TBR1: variants seen among roughly 807,000 people sequenced by gnomAD.
TBR1 encodes T-box brain protein 1.
TBR1 carries 7 observed loss-of-function variants against 60.3 expected under a neutral mutation model. That is an observed-to-expected ratio of 0.12 (90% CI 0.07 to 0.22). TBR1 has a LOEUF of 0.22. Among genes scored for constraint, TBR1 ranks in the 10% least tolerant of loss-of-function variants. The pLI is 1.00. For synonymous variants in TBR1, 417 were observed against 409.9 expected (o/e 1.02, Z -0.21); for missense variants, 616 against 936.8 (o/e 0.66, Z 4.47).
intron 3 of TBR1, 106 bp downstream of exon 3, chr2:161,418,428 G>T (rs1684169583): frequency 3.5e-6 from 5 of 1,426,300 alleles, no homozygotes; most frequent in East Asian, 2.4e-5. Context: ...ACGTTTCTTT[G>T]CTTCATTAAA....
intron 3 of TBR1, 25 bp downstream of exon 3, chr2:161,418,347 T>TTC (rs763014748): frequency 5.7e-5 from 92 of 1,607,350 alleles, no homozygotes; most frequent in Non-Finnish European, 7.2e-5. Flanking sequence ...CGCTCGTGTT[T>TTC]TCTCTCTCTC....
rs758104437 is a variant in TBR1, at chr2:161,416,362, G to C, written c.-49G>C. On this transcript the variant is annotated 5_prime_UTR_variant, in exon 1 of 6. Coordinates refer to ENST00000389554, the MANE Select transcript of TBR1 (RefSeq NM_006593.4). The surrounding 1 kb of genome is among the most constrained non-coding windows in gnomAD (Gnocchi z 6.1). ...GTGGATTTCTAGTTTATGATAAATAGGACTTTAAAAACCAGGGACGGGAGG... is the reference window on the plus strand; with the variant it reads ...GTGGATTTCTAGTTTATGATAAATACGACTTTAAAAACCAGGGACGGGAGG... The C allele has an allele frequency of 7.0e-7, 1 of 1,429,066 alleles. No homozygotes were observed. Among genetic ancestry groups the C allele is most frequent in the African/African-American group, 1.4e-5 (1 of 69,738 alleles). The allele number at this position is 1,429,066 out of a possible 1,614,324, so 88.5% of individuals were successfully genotyped here.
chr2:161,420,023 C>T (rs2105280341), intron 4 of TBR1, 173 bp from the exon 5 acceptor site: 2 of 460,464 alleles, frequency 4.3e-6, no homozygotes, highest in Non-Finnish European at 7.8e-6. Context: ...TTTCATGATA[C>T]TTTCTCTTTT....
intron 5 of TBR1, 50 bp from the exon 6 acceptor site, chr2:161,423,315 AAGGG>A: frequency 2.7e-6 from 1 of 364,882 alleles, no homozygotes; most frequent in Non-Finnish European, 4.0e-6. Flanking sequence ...CCCCCACCCC[AAGGG>A]ACCTCCGCGC....
In TBR1 at chr2:161,416,330, G is replaced by C; in HGVS notation, c.-81G>C. On this transcript the variant is annotated 5_prime_UTR_variant, in exon 1 of 6. Transcript: ENST00000389554. This position sits in a 1 kb window ranked among gnomAD's most constrained non-coding sequence, Gnocchi z 6.1. ...GTTGAAGTGCTTTCTGTCTAGTGAG[G>C]GGGTCTGTGGATTTCTAGTTTATGA... The C allele has an allele frequency of 6.2e-6, 7 of 1,126,084 alleles. No homozygotes were observed. In the South Asian group the frequency reaches 1.1e-4, roughly 17 times the overall value. 69.8% of individuals were successfully genotyped at this position (1,126,084 alleles called of 1,614,324 possible). A position where few individuals can be genotyped will look rare whatever the true frequency, so the allele number is the denominator to read the frequency against.
chr2:161,419,242 A>G (rs1392809477), intron 4 of TBR1, 192 bp downstream of exon 4: 2 of 760,208 alleles, frequency 2.6e-6, no homozygotes, highest in East Asian at 3.1e-5. Context: ...AGCCGGTGGG[A>G]AAAAGCTTTC....
At chr2:161,418,096 ATGTGTG>A (rs78592009) in intron 2 of TBR1, 99 bp from the exon 3 acceptor site, 237,397 of 1,411,176 alleles carry the variant, frequency 0.17, 4,438 homozygotes, top group East Asian at 0.24. Context: ...AGGTGTGTGT[ATGTGTG>A]TGTGTGTGTG....
chr2:161,418,802 G>A, intron 3 of TBR1, 90 bp from the exon 4 acceptor site: 6 of 1,501,540 alleles, frequency 4.0e-6, no homozygotes, highest in East Asian at 5.0e-5. Context: ...GCCTCCGCCG[G>A]CCCGGGCGCG....
rs1684292296 is a variant in TBR1, at chr2:161,424,561, TC to T, written c.*335del. ...CTTCTCTTTCTTGTAATGAAACTCT[TC>T]ACCTTTAGGAGACCTGGGCAGTCCT... On this transcript the variant is annotated 3_prime_UTR_variant, in exon 6 of 6. Transcript: ENST00000389554. This position sits in a 1 kb window ranked among gnomAD's most constrained non-coding sequence, Gnocchi z 4.4. 1 of 250,604 alleles carries T rather than the reference TC, an allele frequency of 4.0e-6. No individual in the cohort carries two copies. Among genetic ancestry groups the T allele is most frequent in the Admixed American group, 5.1e-5 (1 of 19,566 alleles). The allele number at this position is 250,604 out of a possible 1,614,324, so 15.5% of individuals were successfully genotyped here. A position where few individuals can be genotyped will look rare whatever the true frequency, so the allele number is the denominator to read the frequency against.
rs1684288873 is a variant in TBR1, at chr2:161,424,373, C to A, written c.*146C>A. On this transcript the variant is annotated 3_prime_UTR_variant, in exon 6 of 6. Coordinates refer to ENST00000389554, the MANE Select transcript of TBR1 (RefSeq NM_006593.4). This position sits in a 1 kb window ranked among gnomAD's most constrained non-coding sequence, Gnocchi z 4.4. ...GATGGCCGTCTGCAGCGAATAAGTG[C>A]AGGTCTCCGAGCGTGATTTTAACCT... 1 of 908,826 alleles carries A rather than the reference C, an allele frequency of 1.1e-6. No homozygotes were observed. The highest frequency in any genetic ancestry group is 1.6e-6 in the Non-Finnish European group (1 of 611,080). 56.3% of individuals were successfully genotyped at this position (908,826 alleles called of 1,614,324 possible). A position where few individuals can be genotyped will look rare whatever the true frequency, so the allele number is the denominator to read the frequency against.
intron 4 of TBR1, 188 bp from the exon 5 acceptor site, chr2:161,420,005 CTCA>C: frequency 2.4e-6 from 1 of 425,182 alleles, no homozygotes; most frequent in Non-Finnish European, 4.2e-6. Context: ...AAACATGTTC[CTCA>C]TAACTTTCAT....
In TBR1 at chr2:161,424,425, G is replaced by A. The variant is rs1224895304; in HGVS notation, c.*198G>A. On this transcript the variant is annotated 3_prime_UTR_variant, in exon 6 of 6. Coordinates refer to ENST00000389554, the MANE Select transcript of TBR1 (RefSeq NM_006593.4). This position sits in a 1 kb window ranked among gnomAD's most constrained non-coding sequence, Gnocchi z 4.4. ...TTTTGCACAGCAGTCTCTGCAATTA[G>A]CTCACCGACCTTCAACTTTGCTGTA... 4.9e-6 allele frequency: 3 copies of A among 609,256 alleles called. No homozygotes were observed. Among genetic ancestry groups the A allele is most frequent in the East Asian group, 5.9e-5 (2 of 34,012 alleles). 37.7% of individuals were successfully genotyped at this position (609,256 alleles called of 1,614,324 possible). A position where few individuals can be genotyped will look rare whatever the true frequency, so the allele number is the denominator to read the frequency against.
chr2:161,418,381 AGTTC>A (rs1684168841), intron 3 of TBR1, 59 bp downstream of exon 3: 1 of 1,581,652 alleles, frequency 6.3e-7, no homozygotes. Flanking sequence ...CCTGACATCC[AGTTC>A]GTCAGTGTAA....
intron 4 of TBR1, chr2:161,419,414 C>T (rs1178064571): frequency 5.6e-6 from 1 of 177,614 alleles, no homozygotes; most frequent in East Asian, 1.8e-4. Context: ...CAGATTTCCC[C>T]GTGCATTTTA....
rs1233479716 is a variant in TBR1 at position 161,417,718 on chromosome 2, T to C, written c.735T>C (p.Asp245=). ...PFLSFNISGL[D]PTAHYNIFVD... The stretch of plus-strand genomic sequence containing the variant: ...TAAGTTTTAACATTTCTGGTCTCGA[T>C]CCCACGGCTCATTACAATATTTTTG... The change falls in exon 2 of 6, where the codon GAT becomes GAC. Residue 245 remains aspartate (D), a synonymous_variant. Transcript: ENST00000389554. The surrounding 1 kb of genome is among the most constrained non-coding windows in gnomAD (Gnocchi z 5.3). 2 of 1,614,154 alleles carry C rather than the reference T, an allele frequency of 1.2e-6. No homozygotes were observed. The highest frequency in any genetic ancestry group is 3.3e-5 in the Admixed American group (2 of 60,014).
chr2:161,419,234 C>A (rs893871454), intron 4 of TBR1, 184 bp downstream of exon 4: 1 of 817,216 alleles, frequency 1.2e-6, no homozygotes, highest in Admixed American at 3.4e-5. Context: ...AAATACCAAG[C>A]CGGTGGGAAA....
Position 161,424,326 on chromosome 2 carries a change from C to T in TBR1, c.*99C>T, listed in dbSNP as rs1684288157. On this transcript the variant is annotated 3_prime_UTR_variant, in exon 6 of 6. Transcript: ENST00000389554. The surrounding 1 kb of genome is among the most constrained non-coding windows in gnomAD (Gnocchi z 4.4). Reference sequence around the variant, plus strand: ...CCTCCCCACACTCCTCCTTGCGCACCCACTCATTTTATTTGACCCTCGATG... The same window carrying T: ...CCTCCCCACACTCCTCCTTGCGCACTCACTCATTTTATTTGACCCTCGATG... 7.6e-7 allele frequency: 1 copy of T among 1,317,858 alleles called. No individual in the cohort carries two copies. The highest frequency in any genetic ancestry group is 1.0e-6 in the Non-Finnish European group (1 of 973,774). 81.6% of individuals were successfully genotyped at this position (1,317,858 alleles called of 1,614,324 possible). A position where few individuals can be genotyped will look rare whatever the true frequency, so the allele number is the denominator to read the frequency against.
Position 161,416,398 on chromosome 2 carries a change from A to G in TBR1, c.-13A>G. ...ACCAGGGACGGGAGGGCGAGTGTTC[A>G]GGTTCTAGAGCTATGCAGCTGGAGC... On this transcript the variant is annotated 5_prime_UTR_variant, in exon 1 of 6. Coordinates refer to ENST00000389554, the MANE Select transcript of TBR1 (RefSeq NM_006593.4). This position sits in a 1 kb window ranked among gnomAD's most constrained non-coding sequence, Gnocchi z 6.1. 3 of 1,548,298 alleles carry G rather than the reference A, an allele frequency of 1.9e-6. No homozygotes were observed. The highest frequency in any genetic ancestry group is 2.6e-6 in the Non-Finnish European group (3 of 1,150,126).
chr2:161,417,153 T>A lies in TBR1; in HGVS notation c.692+51T>A. The A allele has an allele frequency of 6.6e-7, 1 of 1,522,828 alleles. No homozygotes were observed. Among genetic ancestry groups the A allele is most frequent in the Non-Finnish European group, 8.8e-7 (1 of 1,131,636 alleles). The allele number at this position is 1,522,828 out of a possible 1,614,324, so 94.3% of individuals were successfully genotyped here. A position where few individuals can be genotyped will look rare whatever the true frequency, so the allele number is the denominator to read the frequency against. On this transcript the variant is annotated intron_variant, in intron 1 of 5. Transcript: ENST00000389554. This position sits in a 1 kb window ranked among gnomAD's most constrained non-coding sequence, Gnocchi z 5.3. ...TGCTCTAGGCGCAGCCGGGGACAAG[T>A]GCACCTAGGCTGTGACTGCCGCGGC...
Sources: allele counts gnomAD v4.1 joint callset, GRCh38; gene constraint gnomAD v4.1.1; non-coding constraint Gnocchi (gnomAD v3.1); transcripts MANE v1.5; gene names NCBI Gene and HGNC (gene_info 2026-07-23, HGNC 2026-07-21).